The following CADM1 variants were observed in gnomAD, a reference collection of about 807,000 sequenced individuals.
The protein encoded by CADM1 is TSLC-1.
In CADM1, 15 loss-of-function variants were observed where a neutral mutation model predicts 53.1. The observed-to-expected ratio is 0.28, with a 90% confidence interval of 0.19 to 0.44. The LOEUF (loss-of-function observed/expected upper bound fraction) is 0.44. Among genes scored for constraint, CADM1 ranks in the 20% least tolerant of loss-of-function variants. The pLI is 1.00. For missense variants in CADM1, 434 were observed against 611.3 expected, an observed-to-expected ratio of 0.71 and a Z score of 3.06; for synonymous variants, 281 against 243.0, an observed-to-expected ratio of 1.16 and a Z score of -1.45.
intron 1 of CADM1, among the ~76,000 whole-genome samples, chr11:115,332,129 C>T (rs1357385517): frequency 1.3e-5 from 2 of 152,122 alleles, no homozygotes; most frequent in Non-Finnish European, 2.9e-5. Flanking sequence ...ATTGAACCAT[C>T]TGAATAGTTG....
chr11:115,215,903 C>G (rs1365642268), intron 6 of CADM1, among the ~76,000 whole-genome samples: 1 of 152,192 alleles, frequency 6.6e-6, no homozygotes, highest in South Asian at 2.1e-4. Flanking sequence ...AACGGATCCT[C>G]AAGTTAGCCC....
At chr11:115,488,509 C>T (rs314517) in intron 1 of CADM1, among the ~76,000 whole-genome samples, 11,007 of 152,208 alleles carry the variant, frequency 0.072, 545 homozygotes, top group African/African-American at 0.13. Flanking sequence ...GTGTTACAAA[C>T]GCATTTAAAA....
At chr11:115,224,091 T>A (rs1273581277) in intron 5 of CADM1, among the ~76,000 whole-genome samples, 1 of 151,874 alleles carries the variant, frequency 6.6e-6, no homozygotes. Context: ...GGGAGAGGAT[T>A]TGACATAGAA....
chr11:115,458,528 T>G (rs949643024), intron 1 of CADM1, among the ~76,000 whole-genome samples: 1 of 133,126 alleles, frequency 7.5e-6, no homozygotes, highest in African/African-American at 2.7e-5. Flanking sequence ...ATTATTATTA[T>G]TATTACATTA....
At chr11:115,440,116 T>G (rs1378246912) in intron 1 of CADM1, among the ~76,000 whole-genome samples, 1 of 152,240 alleles carries the variant, frequency 6.6e-6, no homozygotes, top group Non-Finnish European at 1.5e-5. Context: ...AACTGTATCT[T>G]TAAAATTTCC....
intron 1 of CADM1, among the ~76,000 whole-genome samples, chr11:115,345,351 A>G (rs777475864): frequency 6.6e-6 from 1 of 152,192 alleles, no homozygotes; most frequent in South Asian, 2.1e-4. Context: ...TAAATTTAAC[A>G]TGATTTTCCT....
intron 1 of CADM1, among the ~76,000 whole-genome samples, chr11:115,296,809 T>C (rs988718570): frequency 1.3e-5 from 2 of 152,134 alleles, no homozygotes; most frequent in African/African-American, 2.4e-5. Flanking sequence ...ATGTATAATG[T>C]TTCTCTTATA....
intron 1 of CADM1, among the ~76,000 whole-genome samples, chr11:115,376,764 C>T (rs1178946278): frequency 6.6e-6 from 1 of 152,082 alleles, no homozygotes. Flanking sequence ...GAAGCAGGTA[C>T]CACTTACCTG....
intron 1 of CADM1, among the ~76,000 whole-genome samples, chr11:115,316,021 C>T (rs564534640): frequency 3.3e-5 from 5 of 152,220 alleles, no homozygotes; most frequent in Admixed American, 2.0e-4. Context: ...AGGCATCCTG[C>T]GAAGAGTCTC....
At chr11:115,233,607 G>T (rs1352612493) in intron 3 of CADM1, among the ~76,000 whole-genome samples, 1 of 151,662 alleles carries the variant, frequency 6.6e-6, no homozygotes, top group South Asian at 2.1e-4. Flanking sequence ...AATGTCAGAG[G>T]AAAAGCCTAA....
Position 115,174,960 on chromosome 11 carries a change from C to A in CADM1, c.*1514G>T. 5 of 985,708 alleles carry A rather than the reference C, an allele frequency of 5.1e-6. No homozygotes were observed. The highest frequency in any genetic ancestry group is 6.0e-6 in the Non-Finnish European group (5 of 829,886). The allele number at this position is 985,708 out of a possible 1,614,324, so 61.1% of individuals were successfully genotyped here. A position where few individuals can be genotyped will look rare whatever the true frequency, so the allele number is the denominator to read the frequency against. The stretch of plus-strand genomic sequence containing the variant: ...GACTCCTCTACCTTTTCCCGAGGCT[C>A]CCCATCTAAGATATGTTCAAGGTCA... On this transcript the variant is annotated 3_prime_UTR_variant, in exon 12 of 12. Transcript: ENST00000331581.
chr11:115,193,505 C>T (rs925653335), intron 9 of CADM1, among the ~76,000 whole-genome samples: 3 of 152,150 alleles, frequency 2.0e-5, no homozygotes, highest in South Asian at 4.1e-4. Context: ...ATACCCTAAG[C>T]CCGCTCAGGT....
chr11:115,407,937 A>T (rs1947360413), intron 1 of CADM1, among the ~76,000 whole-genome samples: 1 of 147,630 alleles, frequency 6.8e-6, no homozygotes, highest in South Asian at 2.3e-4. Context: ...TTGTGTATTG[A>T]AGAAAGGTAA....
chr11:115,469,034 C>T (rs1009756220), intron 1 of CADM1, among the ~76,000 whole-genome samples: 30 of 152,092 alleles, frequency 2.0e-4, no homozygotes, highest in Admixed American at 1.6e-3. Context: ...TACCTCCCAC[C>T]GGGTCCCTCC....
chr11:115,248,481 C>G (rs574896518), intron 1 of CADM1, among the ~76,000 whole-genome samples: 1 of 152,098 alleles, frequency 6.6e-6, no homozygotes, highest in Non-Finnish European at 1.5e-5. Context: ...CGGAGTGACA[C>G]CCATCCACTA....
intron 1 of CADM1, among the ~76,000 whole-genome samples, chr11:115,366,841 A>G (rs1020922302): frequency 6.6e-6 from 1 of 152,116 alleles, no homozygotes; most frequent in Admixed American, 6.6e-5. Flanking sequence ...GGCCTAAATT[A>G]CCTTTACCCC....
chr11:115,189,414 G>T (rs1246447447), intron 10 of CADM1, among the ~76,000 whole-genome samples: 3 of 152,146 alleles, frequency 2.0e-5, no homozygotes, highest in African/African-American at 7.2e-5. Context: ...ACACCCACCA[G>T]CTTTCTTAGG....
intron 1 of CADM1, among the ~76,000 whole-genome samples, chr11:115,374,189 G>T (rs184234456): frequency 1.3e-5 from 2 of 152,082 alleles, no homozygotes; most frequent in African/African-American, 4.8e-5. Context: ...ATATCTTATC[G>T]CAACCAGAAA....
At chr11:115,195,619 T>G (rs1178199683) in intron 9 of CADM1, among the ~76,000 whole-genome samples, 1 of 152,212 alleles carries the variant, frequency 6.6e-6, no homozygotes, top group East Asian at 1.9e-4. Context: ...AGTCAAATGG[T>G]TGCTGTAATG....
Sources: gnomAD v4.1 joint callset for allele counts (sites outside exome capture counted in the v4.1 genomes callset) on GRCh38, gnomAD v4.1.1 for gene constraint, MANE v1.5 for transcripts, NCBI Gene and HGNC (gene_info 2026-07-23, HGNC 2026-07-21) for gene names.